Variants in ACCSL observed in about 807,000 individuals in gnomAD.
ACCSL encodes the protein probable inactive 1-aminocyclopropane-1-carboxylate synthase-like protein 2.
Under a neutral mutation model 61.7 loss-of-function variants are expected in ACCSL, and 55 were observed. That is an observed-to-expected ratio of 0.89 (90% CI 0.72 to 1.12). The LOEUF (loss-of-function observed/expected upper bound fraction) is 1.12. Ranked by LOEUF, ACCSL falls within the 50% of genes most tolerant of loss-of-function variation. The probability of loss-of-function intolerance (pLI) is 0.00; values close to 1 mark genes in which losing one functional copy is unlikely to be tolerated. For missense variants in ACCSL, 632 were observed against 698.0 expected (o/e 0.91, Z 1.07); for synonymous variants, 258 against 264.3 (o/e 0.98, Z 0.23).
the ACCSL span, among the ~76,000 whole-genome samples, chr11:43,956,605 G>C: frequency 2.6e-5 from 4 of 152,246 alleles, no homozygotes; most frequent in Non-Finnish European, 5.9e-5. Context: ...ATTTTCAGTA[G>C]AGACAGGGCT....
At chr11:43,983,248 AAGGTGCTCC>A in the ACCSL span, among the ~76,000 whole-genome samples, 15 of 152,218 alleles carry the variant, frequency 9.9e-5, no homozygotes, top group Admixed American at 4.6e-4. Flanking sequence ...TTTTAGAATA[AAGGTGCTCC>A]AGGAAACAGT....
chr11:43,940,594 T>C, the ACCSL span, among the ~76,000 whole-genome samples: 1 of 151,324 alleles, frequency 6.6e-6, no homozygotes, highest in Non-Finnish European at 1.5e-5. Flanking sequence ...TCTCCTGACC[T>C]TGTGATCCGT....
chr11:44,048,789 C>T (rs1368925917), intron 1 of ACCSL, among the ~76,000 whole-genome samples: 2 of 152,152 alleles, frequency 1.3e-5, no homozygotes, highest in East Asian at 3.9e-4. Context: ...TAGGAGTTGG[C>T]CCCTGTGGTC....
At chr11:44,042,224 T>C in the ACCSL span, among the ~76,000 whole-genome samples, 106,359 of 152,062 alleles carry the variant, frequency 0.7, 37,347 homozygotes, top group Admixed American at 0.74. Context: ...TTAAATAGCA[T>C]TGGAGTAATA....
Position 44,047,983 on chromosome 11 carries a change from T to C in ACCSL, c.-54T>C. The C allele has an allele frequency of 6.4e-7, 1 of 1,565,064 alleles. No homozygotes were observed. Among genetic ancestry groups the C allele is most frequent in the Non-Finnish European group, 8.7e-7 (1 of 1,153,816 alleles). On this transcript the variant is annotated 5_prime_UTR_variant, in exon 1 of 14. Transcript: ENST00000378832. ...CTCCTTTGCTCCATTGTCAATGGTC[T>C]CTTTCTCCATAGGTGCCAGGCAGCC...
At chr11:43,966,035 C>A in the ACCSL span, among the ~76,000 whole-genome samples, 5 of 152,118 alleles carry the variant, frequency 3.3e-5, no homozygotes, top group African/African-American at 1.2e-4. Context: ...TAAGTCTTCA[C>A]GACCTTGGAT....
At chr11:43,955,301 T>A in the ACCSL span, among the ~76,000 whole-genome samples, 1 of 152,156 alleles carries the variant, frequency 6.6e-6, no homozygotes, top group South Asian at 2.1e-4. Flanking sequence ...TACCCTAGAC[T>A]AGTAATTTAT....
intron 2 of ACCSL, 68 bp from the exon 3 acceptor site, chr11:44,050,484 A>T (rs1952629745): frequency 7.1e-7 from 1 of 1,403,572 alleles, no homozygotes; most frequent in South Asian, 1.2e-5. Context: ...TCATGTACAA[A>T]CTAGGAGTAG....
At chr11:44,022,356 G>A in the ACCSL span, among the ~76,000 whole-genome samples, 1 of 152,062 alleles carries the variant, frequency 6.6e-6, no homozygotes, top group African/African-American at 2.4e-5. Context: ...ATATTCATAT[G>A]TATTTTATTT....
chr11:43,946,885 C>T, the ACCSL span, among the ~76,000 whole-genome samples: 2 of 152,228 alleles, frequency 1.3e-5, no homozygotes, highest in South Asian at 4.1e-4. Context: ...AAAGCCATGG[C>T]CCATGGGCTA....
the ACCSL span, among the ~76,000 whole-genome samples, chr11:44,035,633 G>A: frequency 3.9e-5 from 6 of 152,166 alleles, no homozygotes; most frequent in African/African-American, 1.4e-4. Flanking sequence ...GGAGGCATTA[G>A]AACCATAAAG....
chr11:43,925,410 C>G, the ACCSL span: 3 of 456,092 alleles, frequency 6.6e-6, no homozygotes, highest in South Asian at 1.5e-5. Context: ...TGGTATTGAT[C>G]GTCTCCACGC....
At chr11:43,946,708 A>ATT in the ACCSL span, among the ~76,000 whole-genome samples, 2 of 152,198 alleles carry the variant, frequency 1.3e-5, no homozygotes, top group African/African-American at 4.8e-5. Flanking sequence ...ATGCCCCACT[A>ATT]TTTAGTATAA....
chr11:43,969,789 C>G, the ACCSL span, among the ~76,000 whole-genome samples: 3 of 152,144 alleles, frequency 2.0e-5, no homozygotes, highest in Non-Finnish European at 4.4e-5. Context: ...ATGTTATTTC[C>G]TCCCTCACTG....
At chr11:43,925,670 C>A in the ACCSL span, among the ~76,000 whole-genome samples, 1 of 152,018 alleles carries the variant, frequency 6.6e-6, no homozygotes, top group African/African-American at 2.4e-5. Context: ...CTAGCCTCCA[C>A]ATCTGCCGGA....
chr11:44,053,627 C>T, intron 8 of ACCSL, 121 bp downstream of exon 8: 6 of 861,868 alleles, frequency 7.0e-6, no homozygotes, highest in Non-Finnish European at 5.5e-6. Flanking sequence ...CTTTGGGAGG[C>T]CGAGAAGGTG....
the ACCSL span, among the ~76,000 whole-genome samples, chr11:43,978,500 C>A: frequency 6.6e-6 from 1 of 152,132 alleles, no homozygotes; most frequent in South Asian, 2.1e-4. Context: ...TTCAGAGATT[C>A]TTCTGTGATC....
chr11:44,059,344 C>T (rs1364070118), intron 13 of ACCSL, among the ~76,000 whole-genome samples: 1 of 152,182 alleles, frequency 6.6e-6, no homozygotes, highest in Non-Finnish European at 1.5e-5. Context: ...CCATGGAAGT[C>T]CCTGTATGCC....
chr11:44,044,019 C>T (rs1952586978), upstream of ACCSL, among the ~76,000 whole-genome samples: 1 of 152,056 alleles, frequency 6.6e-6, no homozygotes, highest in African/African-American at 2.4e-5. Flanking sequence ...ATTTATGTAC[C>T]TGATTTTCTA....
Sources: gnomAD v4.1 joint callset for allele counts (sites outside exome capture counted in the v4.1 genomes callset) on GRCh38, gnomAD v4.1.1 for gene constraint, MANE v1.5 for transcripts, NCBI Gene and HGNC (gene_info 2026-07-23, HGNC 2026-07-21) for gene names.